CTNNA3: variants seen among roughly 807,000 people sequenced by gnomAD.
CTNNA3 encodes catenin alpha 3, also known as catenin alpha-3.
Under a neutral mutation model 95.7 loss-of-function variants are expected in CTNNA3, and 76 were observed. That is an observed-to-expected ratio of 0.79 (90% CI 0.66 to 0.96). The LOEUF is 0.96. CTNNA3 is among the 40% of genes least tolerant of loss of function. The probability of loss-of-function intolerance (pLI) is 0.00; values close to 1 mark genes in which losing one functional copy is unlikely to be tolerated. For synonymous variants in CTNNA3, 431 were observed against 374.4 expected, an observed-to-expected ratio of 1.15 and a Z score of -1.74; for missense variants, 1,191 against 1,089.8, an observed-to-expected ratio of 1.09 and a Z score of -1.31.
At chr10:66,203,642 T>C (rs887305001) in intron 13 of CTNNA3, among the ~76,000 whole-genome samples, 2 of 152,108 alleles carry the variant, frequency 1.3e-5, no homozygotes, top group Admixed American at 1.3e-4. Flanking sequence ...ATAATTAATT[T>C]TTTTCTTTAA....
chr10:66,865,323 A>T (rs1844130265), intron 7 of CTNNA3, among the ~76,000 whole-genome samples: 1 of 152,044 alleles, frequency 6.6e-6, no homozygotes, highest in African/African-American at 2.4e-5. Flanking sequence ...CATAGTAGAA[A>T]TACGGTCAGA....
intron 9 of CTNNA3, among the ~76,000 whole-genome samples, chr10:66,694,049 G>T (rs1195572751): frequency 6.6e-6 from 1 of 152,004 alleles, no homozygotes; most frequent in African/African-American, 2.4e-5. Context: ...ACAATTAAAA[G>T]AACTAGGAAA....
chr10:67,672,493 G>T (rs2133552936), intron 1 of CTNNA3, among the ~76,000 whole-genome samples: 1 of 152,238 alleles, frequency 6.6e-6, no homozygotes, highest in East Asian at 1.9e-4. Flanking sequence ...ATGGTTTTAG[G>T]TCTAACATGT....
rs76368475 is a variant in CTNNA3, at chr10:67,616,311, A to C, written c.100-9262T>G. On this transcript the variant is annotated intron_variant, in intron 2 of 17. Transcript: ENST00000433211. Reference sequence around the variant, plus strand: ...ACTGAAGTGCTTGAAACAGGAAAGTAACATGATCTGACCCCAAATTTTAAA... The same window carrying C: ...ACTGAAGTGCTTGAAACAGGAAAGTCACATGATCTGACCCCAAATTTTAAA... 1.6e-3 allele frequency among the ~76,000 whole-genome samples: 243 copies of C among 152,318 alleles called. 1 individual carries two copies. The highest frequency in any genetic ancestry group is 0.014 in the Admixed American group (211 of 15,304).
intron 7 of CTNNA3, among the ~76,000 whole-genome samples, chr10:67,126,387 C>A (rs1306297635): frequency 6.6e-6 from 1 of 152,100 alleles, no homozygotes; most frequent in African/African-American, 2.4e-5. Flanking sequence ...GTCAGCTGGG[C>A]GTGGCGGCGC....
At chr10:67,172,131 T>A (rs1862050208) in intron 7 of CTNNA3, among the ~76,000 whole-genome samples, 1 of 152,244 alleles carries the variant, frequency 6.6e-6, no homozygotes, top group Non-Finnish European at 1.5e-5. Context: ...AACTGTCTAA[T>A]GAGTACCTAC....
At chr10:66,928,379 C>T in intron 7 of CTNNA3, 1 of 1,614,168 alleles carries the variant, frequency 6.2e-7, no homozygotes, top group Non-Finnish European at 8.5e-7. Flanking sequence ...CCCACCAACA[C>T]GGAGACCAGC....
chr10:66,387,027 C>T (rs56087833), intron 11 of CTNNA3, among the ~76,000 whole-genome samples: 2,802 of 152,146 alleles, frequency 0.018, 86 homozygotes, highest in African/African-American at 0.064. Flanking sequence ...ATTCAGGACA[C>T]AGGCATAGGC....
chr10:66,125,300 T>TAAATG lies in CTNNA3; in HGVS notation c.1885-22056_1885-22052dup, dbSNP rs1443951473. Among the ~76,000 whole-genome samples, 4 of 152,286 alleles carry TAAATG rather than the reference T, an allele frequency of 2.6e-5. No individual in the cohort carries two copies. In the East Asian group the frequency reaches 7.7e-4, roughly 29 times the overall value. On this transcript the variant is annotated intron_variant, in intron 13 of 17. Transcript: ENST00000433211. ...GTATGATTGTAGCATTGAGGTAAAT[T>TAAATG]AAATGAATGATAGCAATATTATAAA...
chr10:66,932,286 A>C (rs1847447518), intron 7 of CTNNA3, among the ~76,000 whole-genome samples: 1 of 152,196 alleles, frequency 6.6e-6, no homozygotes, highest in African/African-American at 2.4e-5. Context: ...AGGTGCATGA[A>C]ATATCTCTTC....
chr10:67,253,399 T>C (rs574637596), intron 5 of CTNNA3, among the ~76,000 whole-genome samples: 1 of 152,284 alleles, frequency 6.6e-6, no homozygotes, highest in South Asian at 2.1e-4. Flanking sequence ...TGTGGGTAAC[T>C]GAAACCTCAG....
At chr10:66,840,627 C>T (rs1050640923) in intron 7 of CTNNA3, among the ~76,000 whole-genome samples, 1 of 152,030 alleles carries the variant, frequency 6.6e-6, no homozygotes, top group Admixed American at 6.6e-5. Flanking sequence ...AATAACAGTA[C>T]CCTATTTTCA....
chr10:66,019,079 G>C (rs2079149557), intron 15 of CTNNA3, among the ~76,000 whole-genome samples: 1 of 152,088 alleles, frequency 6.6e-6, no homozygotes, highest in Admixed American at 6.5e-5. Context: ...ACTAACTCAT[G>C]AAAATGTCAT....
At position 67,607,199 on chromosome 10, in the gene CTNNA3, T is replaced by C. The variant is rs542988127; in HGVS notation, c.100-150A>G. 54 of 590,480 alleles carry C rather than the reference T, an allele frequency of 9.1e-5. No homozygotes were observed. In the East Asian group the frequency reaches 1.5e-3, roughly 17 times the overall value. The allele number at this position is 590,480 out of a possible 1,614,324, so 36.6% of individuals were successfully genotyped here. Reference sequence around the variant, plus strand: ...CCAACCCACCGTGCAGTTGAAAATCTGAGTATAACTTTCAACTCCTCAAAA... The same window carrying C: ...CCAACCCACCGTGCAGTTGAAAATCCGAGTATAACTTTCAACTCCTCAAAA... On this transcript the variant is annotated intron_variant, in intron 2 of 17. Coordinates refer to ENST00000433211, the MANE Select transcript of CTNNA3 (RefSeq NM_013266.4).
At chr10:66,369,957 G>A (rs2092741504) in intron 12 of CTNNA3, among the ~76,000 whole-genome samples, 2 of 152,064 alleles carry the variant, frequency 1.3e-5, no homozygotes, top group Admixed American at 6.6e-5. Context: ...AAATTGGCAT[G>A]AAAGACATAG....
intron 7 of CTNNA3, among the ~76,000 whole-genome samples, chr10:67,130,218 C>T (rs1266077545): frequency 1.3e-5 from 2 of 151,984 alleles, no homozygotes; most frequent in African/African-American, 2.4e-5. Flanking sequence ...TTTCTAAAAC[C>T]TGACCAGAAC....
At position 66,124,457 on chromosome 10, in the gene CTNNA3, C is replaced by T. The variant is rs140030434; in HGVS notation, c.1885-21208G>A. Among the ~76,000 whole-genome samples, 470 of 152,314 alleles carry T rather than the reference C, an allele frequency of 3.1e-3. 2 individuals are homozygous for T. Among genetic ancestry groups the T allele is most frequent in the African/African-American group, 0.011 (452 of 41,578 alleles). ...AAACTTTTCCACACTTTCCTGTCTTCTTCTGAGCCCTCCAAACCATTTCAA... is the reference window on the plus strand; with the variant it reads ...AAACTTTTCCACACTTTCCTGTCTTTTTCTGAGCCCTCCAAACCATTTCAA... On this transcript the variant is annotated intron_variant, in intron 13 of 17. Transcript: ENST00000433211.
chr10:67,373,692 T>G (rs927328489), intron 5 of CTNNA3, among the ~76,000 whole-genome samples: 1 of 152,244 alleles, frequency 6.6e-6, no homozygotes, highest in African/African-American at 2.4e-5. Flanking sequence ...AGGAGTTGTA[T>G]AGTTGTTACT....
chr10:67,103,510 G>A (rs1447062315), intron 7 of CTNNA3, among the ~76,000 whole-genome samples: 1 of 151,754 alleles, frequency 6.6e-6, no homozygotes, highest in Non-Finnish European at 1.5e-5. Context: ...GATGTAGCAG[G>A]CACTATGCCC....
Sources: allele counts gnomAD v4.1 joint callset (sites outside exome capture counted in the v4.1 genomes callset), GRCh38; gene constraint gnomAD v4.1.1; transcripts MANE v1.5; gene names NCBI Gene and HGNC (gene_info 2026-07-23, HGNC 2026-07-21).